Variants in EGFR observed in about 807,000 individuals in gnomAD.
The protein encoded by EGFR is epidermal growth factor receptor, also known as avian erythroblastic leukemia viral (v-erb-b) oncogene homolog.
In EGFR, 58 loss-of-function variants were observed where a neutral mutation model predicts 143.0. The observed-to-expected ratio is 0.41, with a 90% confidence interval of 0.33 to 0.50. The LOEUF is 0.50. EGFR is among the 20% of genes least tolerant of loss of function. The pLI, the probability that EGFR is intolerant of heterozygous loss-of-function variation, is 0.39. For synonymous variants in EGFR, 613 were observed against 594.4 expected, an observed-to-expected ratio of 1.03 and a Z score of -0.45; for missense variants, 1,307 against 1,579.0, an observed-to-expected ratio of 0.83 and a Z score of 2.92.
chr7:55,203,826 A>G (rs1583661556), intron 27 of EGFR, among the ~76,000 whole-genome samples: 1 of 151,798 alleles, frequency 6.6e-6, no homozygotes, highest in African/African-American at 2.4e-5. Context: ...AGATTTAGAT[A>G]TATATAAAAC....
At chr7:55,128,551 T>C (rs894968206) in intron 1 of EGFR, among the ~76,000 whole-genome samples, 26 of 152,246 alleles carry the variant, frequency 1.7e-4, no homozygotes, top group African/African-American at 6.3e-4. Context: ...GTGTGTTCTG[T>C]GACTCACCCC....
intron 1 of EGFR, among the ~76,000 whole-genome samples, chr7:55,124,393 C>G (rs1014505290): frequency 6.6e-6 from 1 of 152,182 alleles, no homozygotes; most frequent in African/African-American, 2.4e-5. Context: ...ACTTGCTTAA[C>G]TCAGTTCTTA....
chr7:55,144,157 G>T (rs1017821661), intron 3 of EGFR, among the ~76,000 whole-genome samples: 1 of 152,198 alleles, frequency 6.6e-6, no homozygotes, highest in South Asian at 2.1e-4. Context: ...CTTCAAAGTA[G>T]GCACTGTACA....
intron 1 of EGFR, among the ~76,000 whole-genome samples, chr7:55,036,975 G>A (rs1335016835): frequency 6.6e-6 from 1 of 152,150 alleles, no homozygotes; most frequent in Non-Finnish European, 1.5e-5. Context: ...TAGGGAGGGG[G>A]AAGAGAAAAT....
intron 1 of EGFR, among the ~76,000 whole-genome samples, chr7:55,096,751 C>T (rs975503054): frequency 1.3e-5 from 2 of 152,184 alleles, no homozygotes; most frequent in Admixed American, 1.3e-4. Flanking sequence ...AGCAGAGGCC[C>T]TGCCACAGCA....
intron 1 of EGFR, among the ~76,000 whole-genome samples, chr7:55,062,582 T>C (rs895978190): frequency 6.6e-6 from 1 of 152,214 alleles, no homozygotes. Context: ...TATAACTCCA[T>C]GGTGCTTGCT....
intron 1 of EGFR, among the ~76,000 whole-genome samples, chr7:55,106,623 T>G (rs1792147889): frequency 6.6e-6 from 1 of 152,204 alleles, no homozygotes; most frequent in Admixed American, 6.5e-5. Flanking sequence ...AATGTTATCT[T>G]TGATGTAGAG....
chr7:55,096,488 G>A (rs1016462330), intron 1 of EGFR, among the ~76,000 whole-genome samples: 7 of 152,156 alleles, frequency 4.6e-5, no homozygotes, highest in Non-Finnish European at 8.8e-5. Context: ...AACATCAGGC[G>A]ATGGGGATAC....
At chr7:55,113,089 G>A (rs568050813) in intron 1 of EGFR, among the ~76,000 whole-genome samples, 1 of 152,208 alleles carries the variant, frequency 6.6e-6, no homozygotes, top group African/African-American at 2.4e-5. Flanking sequence ...GCACCGACAG[G>A]CTGTCTGCCA....
At chr7:55,194,057 A>G (rs538147078) in intron 22 of EGFR, among the ~76,000 whole-genome samples, 2 of 152,198 alleles carry the variant, frequency 1.3e-5, no homozygotes, top group African/African-American at 2.4e-5. Flanking sequence ...TTCAGAATGT[A>G]TCTCCTCTCC....
intron 1 of EGFR, among the ~76,000 whole-genome samples, chr7:55,087,142 G>A (rs116784200): frequency 1.0e-3 from 155 of 152,054 alleles, no homozygotes; most frequent in African/African-American, 3.5e-3. Context: ...GACCACAAGC[G>A]GGGGGAAGAG....
chr7:55,182,986 A>G (rs573731287), intron 20 of EGFR, among the ~76,000 whole-genome samples: 160 of 152,292 alleles, frequency 1.1e-3, no homozygotes, highest in Non-Finnish European at 1.8e-3. Flanking sequence ...TGGTAGCTCA[A>G]CATAGCACAG....
intron 19 of EGFR, among the ~76,000 whole-genome samples, chr7:55,176,140 C>A (rs1786580871): frequency 6.6e-6 from 1 of 152,198 alleles, no homozygotes; most frequent in African/African-American, 2.4e-5. Flanking sequence ...GTAGGAAAAT[C>A]TTTGTGCACA....
At chr7:55,187,768 C>A (rs1035132748) in intron 20 of EGFR, among the ~76,000 whole-genome samples, 1 of 151,440 alleles carries the variant, frequency 6.6e-6, no homozygotes, top group Non-Finnish European at 1.5e-5. Flanking sequence ...TCAGAGCCCC[C>A]CTGAACCCCA....
chr7:55,170,175 A>G (rs1436087170), intron 15 of EGFR: 4 of 1,524,158 alleles, frequency 2.6e-6, no homozygotes, highest in Non-Finnish European at 3.6e-6. Context: ...AGACCCCCAA[A>G]TTAAGAAGAG....
At chr7:55,191,557 T>G (rs983969454) in intron 20 of EGFR, among the ~76,000 whole-genome samples, 162 bp from the exon 21 acceptor site, 1 of 152,180 alleles carries the variant, frequency 6.6e-6, no homozygotes, top group Non-Finnish European at 1.5e-5. Context: ...TCTTCTTTCA[T>G]GCGCCTTTCC....
chr7:55,144,832 G>A (rs1291984505), intron 3 of EGFR, among the ~76,000 whole-genome samples: 4 of 152,146 alleles, frequency 2.6e-5, no homozygotes, highest in Non-Finnish European at 4.4e-5. Flanking sequence ...GATGGCTCGG[G>A]AGCACATTCT....
chr7:55,173,499 A>G (rs1373271405), intron 17 of EGFR, among the ~76,000 whole-genome samples: 1 of 152,174 alleles, frequency 6.6e-6, no homozygotes, highest in African/African-American at 2.4e-5. Flanking sequence ...TTTGTCCATG[A>G]TGGACTTCGC....
At chr7:55,031,593 C>T (rs1216186978) in intron 1 of EGFR, among the ~76,000 whole-genome samples, 2 of 152,210 alleles carry the variant, frequency 1.3e-5, no homozygotes, top group Non-Finnish European at 2.9e-5. Context: ...TTCCTTATCA[C>T]ATGACAGAGT....
Sources: allele counts gnomAD v4.1 joint callset (sites outside exome capture counted in the v4.1 genomes callset), GRCh38; gene constraint gnomAD v4.1.1; transcripts MANE v1.5; gene names NCBI Gene and HGNC (gene_info 2026-07-23, HGNC 2026-07-21).